The following TJP2 variants were observed in gnomAD, a reference collection of about 807,000 sequenced individuals.
TJP2 encodes Friedreich ataxia region gene X104 (tight junction protein ZO-2).
Under a neutral mutation model 133.1 loss-of-function variants are expected in TJP2, and 91 were observed. The ratio of observed to expected loss-of-function variants is 0.68; its 90% CI spans 0.58 to 0.81. TJP2 has a LOEUF of 0.81. Among genes scored for constraint, TJP2 ranks in the 40% least tolerant of loss-of-function variants. TJP2 has a pLI of 0.00. For missense variants in TJP2, 1,541 were observed against 1,565.6 expected (o/e 0.98, Z 0.26); for synonymous variants, 592 against 583.4 (o/e 1.01, Z -0.21).
At position 69,123,384 on chromosome 9, in the gene TJP2, A is replaced by C. The variant is rs1365387942; in HGVS notation, c.-131+1659A>C. On this transcript the variant is annotated intron_variant, in intron 1 of 5. Transcript: ENST00000423935. ...TATTGTGCCACCATCACCACTACCC[A>C]TTTCCAGAACTTTTTCATCATCCCA... Among the ~76,000 whole-genome samples the C allele has an allele frequency of 3.9e-5, 3 of 76,330 alleles. 1 individual carries two copies. The highest frequency in any genetic ancestry group is 1.2e-4 in the African/African-American group (3 of 24,910). 50.1% of individuals were successfully genotyped at this position (76,330 alleles called of 152,430 possible). A position where few individuals can be genotyped will look rare whatever the true frequency, so the allele number is the denominator to read the frequency against.
At position 69,148,867 on chromosome 9, in the gene TJP2, C is replaced by G. The variant is rs150142721; in HGVS notation, c.-130-2784C>G. Among the ~76,000 whole-genome samples, 751 of 152,240 alleles carry G rather than the reference C, an allele frequency of 4.9e-3. 9 individuals carry two copies. Among genetic ancestry groups the G allele is most frequent in the African/African-American group, 0.016 (685 of 41,532 alleles). On this transcript the variant is annotated intron_variant, in intron 1 of 5. Coordinates refer to the TJP2 transcript ENST00000423935. ...TGCCCAGCACATGGTAGGTGCTCAA[C>G]AAATATTTTCCAGTGCTAACTCGGT... is the stretch of plus-strand genomic sequence containing the variant.
chr9:69,174,140 C>G, upstream of TJP2: 14 of 1,250,244 alleles, frequency 1.1e-5, no homozygotes, highest in Non-Finnish European at 1.4e-5. Context: ...GCCAATTTGA[C>G]AGTTTCCCGG....
Position 69,238,753 on chromosome 9 carries a change from G to C in TJP2, c.2319G>C (p.Val773=). The C allele has an allele frequency of 6.2e-7, 1 of 1,613,978 alleles. No individual in the cohort carries two copies. Among genetic ancestry groups the C allele is most frequent in the Non-Finnish European group, 8.5e-7 (1 of 1,179,940 alleles). ...KDAGSEKSTG[V]VRLNTVRQII... ...CAGGATCTGAGAAATCCACTGGAGT[G>C]GTCCGGTTAAATACCGTGAGGCAAA... Residue 773 remains valine, a synonymous_variant, in exon 16 of 23, where the codon GTG becomes GTC. Transcript: ENST00000377245.
In TJP2 at chr9:69,254,471, C is replaced by T; in HGVS notation, c.*97C>T. ...ATGGTTCTTCTCCAGTTAGAATGCA[C>T]CATGGAGACGTGGTGGGACTCCAGC... On this transcript the variant is annotated 3_prime_UTR_variant, in exon 23 of 23. Coordinates refer to ENST00000377245, the MANE Select transcript of TJP2 (RefSeq NM_004817.4). 6.6e-7 allele frequency: 1 copy of T among 1,507,822 alleles called. No individual in the cohort carries two copies. The highest frequency in any genetic ancestry group is 1.1e-5 in the South Asian group (1 of 87,782). The allele number at this position is 1,507,822 out of a possible 1,614,324, so 93.4% of individuals were successfully genotyped here. A position where few individuals can be genotyped will look rare whatever the true frequency, so the allele number is the denominator to read the frequency against.
chr9:69,149,027 C>T (rs968567037), intron 1 of TJP2, among the ~76,000 whole-genome samples: 1 of 152,192 alleles, frequency 6.6e-6, no homozygotes, highest in African/African-American at 2.4e-5. Flanking sequence ...TGTTACCTGA[C>T]AATTTTACAT....
At chr9:69,234,591 G>GCC in intron 12 of TJP2, 44 bp downstream of exon 12, 2 of 572,876 alleles carry the variant, frequency 3.5e-6, no homozygotes, top group Admixed American at 2.1e-5. Context: ...TGGGGGTGGG[G>GCC]AGTGGGAAGG....
At chr9:69,246,401 A>T (rs1830929450) in intron 17 of TJP2, 1 of 396,224 alleles carries the variant, frequency 2.5e-6, no homozygotes, top group African/African-American at 2.1e-5. Flanking sequence ...CCGAAAACAC[A>T]TGTTCTTAAA....
intron 1 of TJP2, among the ~76,000 whole-genome samples, chr9:69,134,131 T>C (rs553959049): frequency 6.6e-6 from 1 of 152,254 alleles, no homozygotes; most frequent in African/African-American, 2.4e-5. Flanking sequence ...AAGGATGGCT[T>C]GGTATTATTT....
Position 69,127,952 on chromosome 9 carries a change from C to T in TJP2, c.-131+6227C>T, listed in dbSNP as rs1230119735. Among the ~76,000 whole-genome samples the T allele has an allele frequency of 2.7e-5, 2 of 73,408 alleles. 1 individual carries two copies. The highest frequency in any genetic ancestry group is 6.2e-5 in the Non-Finnish European group (2 of 32,478). The allele number at this position is 73,408 out of a possible 152,430, so 48.2% of individuals were successfully genotyped here. A position where few individuals can be genotyped will look rare whatever the true frequency, so the allele number is the denominator to read the frequency against. ...TGAGTCAGGATCTTGCTCTGTTGCC[C>T]AGGCTGGAGTGCAGTGGCACAATCA... On this transcript the variant is annotated intron_variant, in intron 1 of 5. Coordinates refer to the TJP2 transcript ENST00000423935.
At chr9:69,186,833 T>C (rs1018793684) in intron 1 of TJP2, among the ~76,000 whole-genome samples, 15 of 152,190 alleles carry the variant, frequency 9.9e-5, no homozygotes, top group African/African-American at 2.7e-4. Flanking sequence ...TGAACTAATA[T>C]TACACAAAAG....
intron 1 of TJP2, among the ~76,000 whole-genome samples, chr9:69,182,424 A>G (rs1465452974): frequency 1.3e-5 from 2 of 152,226 alleles, no homozygotes; most frequent in African/African-American, 4.8e-5. Flanking sequence ...CAAGTTTGCA[A>G]CACATTGAAA....
chr9:69,181,184 T>C (rs1249415009), intron 1 of TJP2, among the ~76,000 whole-genome samples: 10 of 151,830 alleles, frequency 6.6e-5, no homozygotes, highest in African/African-American at 2.2e-4. Flanking sequence ...CAGCATTAGC[T>C]GCACCACTGA....
In TJP2 at chr9:69,246,621, G is replaced by C. The variant is rs769925755; in HGVS notation, c.2567-69G>C. ...TATCACAGAAATGAGTGTAAATTAT[G>C]TCAAATAGCATCCTTAATAAACATG... On this transcript the variant is annotated intron_variant, in intron 17 of 22. Coordinates refer to ENST00000377245, the MANE Select transcript of TJP2 (RefSeq NM_004817.4). 8.3e-6 allele frequency: 11 copies of C among 1,325,596 alleles called. No individual in the cohort carries two copies. In the African/African-American group the frequency reaches 1.6e-4, roughly 19 times the overall value. 82.1% of individuals were successfully genotyped at this position (1,325,596 alleles called of 1,614,324 possible). A position where few individuals can be genotyped will look rare whatever the true frequency, so the allele number is the denominator to read the frequency against.
chr9:69,158,983 C>A (rs1199746740), intron 2 of TJP2, among the ~76,000 whole-genome samples: 1 of 121,368 alleles, frequency 8.2e-6, no homozygotes, highest in Non-Finnish European at 1.7e-5. Flanking sequence ...GGATTCACCG[C>A]CCCCCCCCCA....
At chr9:69,225,931 A>G in intron 6 of TJP2, 91 bp from the exon 7 acceptor site, 2 of 1,396,522 alleles carry the variant, frequency 1.4e-6, no homozygotes, top group Non-Finnish European at 2.0e-6. Context: ...ATATCTGAGC[A>G]AAGCCTTTAC....
intron 17 of TJP2, chr9:69,246,082 A>G (rs12555245): frequency 0.059 from 9,213 of 157,196 alleles, 288 homozygotes; most frequent in Middle Eastern, 0.11. Context: ...TTTGCGTAGC[A>G]TTTACATTGT....
At chr9:69,130,602 A>G (rs56280207) in intron 1 of TJP2, among the ~76,000 whole-genome samples, 1 of 151,976 alleles carries the variant, frequency 6.6e-6, no homozygotes, top group African/African-American at 2.4e-5. Flanking sequence ...AGGCCTTTGG[A>G]AGTGCAGGTC....
intron 1 of TJP2, among the ~76,000 whole-genome samples, chr9:69,199,445 G>A (rs1011928355): frequency 1.3e-5 from 2 of 152,122 alleles, no homozygotes; most frequent in Non-Finnish European, 2.9e-5. Context: ...CAGGAGGACC[G>A]CTTGAGCCCA....
At chr9:69,233,018 C>T (rs76274198) in intron 11 of TJP2, among the ~76,000 whole-genome samples, 3,542 of 152,170 alleles carry the variant, frequency 0.023, 136 homozygotes, top group African/African-American at 0.081. Context: ...ATGTATAGTA[C>T]ATGTGAAAAT....
Sources: gnomAD v4.1 joint callset for allele counts (sites outside exome capture counted in the v4.1 genomes callset) on GRCh38, gnomAD v4.1.1 for gene constraint, MANE v1.5 for transcripts, NCBI Gene and HGNC (gene_info 2026-07-23, HGNC 2026-07-21) for gene names.